The following ZDHHC18 variants were observed in gnomAD, a reference collection of about 807,000 sequenced individuals.
The protein encoded by ZDHHC18 is palmitoyltransferase ZDHHC18.
Under a neutral mutation model 37.5 loss-of-function variants are expected in ZDHHC18, and 23 were observed. That is an observed-to-expected ratio of 0.61 (90% CI 0.44 to 0.87). The LOEUF (loss-of-function observed/expected upper bound fraction) is 0.87. ZDHHC18 is among the 40% of genes least tolerant of loss of function. The pLI, the probability that ZDHHC18 is intolerant of heterozygous loss-of-function variation, is 0.00. For synonymous variants in ZDHHC18, 185 were observed against 218.7 expected (o/e 0.85, Z 1.36); for missense variants, 406 against 525.6 (o/e 0.77, Z 2.22).
chr1:26,827,210 G>T, intron 1 of ZDHHC18, 71 bp downstream of exon 1: 2 of 1,221,606 alleles, frequency 1.6e-6, no homozygotes, highest in Non-Finnish European at 2.1e-6. Flanking sequence ...TCCCTGCTGG[G>T]CACTCCGTGC....
intron 2 of ZDHHC18, among the ~76,000 whole-genome samples, chr1:26,847,151 C>T (rs933503547): frequency 2.0e-5 from 3 of 151,942 alleles, no homozygotes; most frequent in Non-Finnish European, 4.4e-5. Flanking sequence ...CGCCTCGGCC[C>T]CCCAAAGTGC....
At chr1:26,842,417 G>A (rs894555338) in intron 2 of ZDHHC18, among the ~76,000 whole-genome samples, 1 of 152,198 alleles carries the variant, frequency 6.6e-6, no homozygotes, top group African/African-American at 2.4e-5. Context: ...AGAAACTGAG[G>A]CACAAAGAGC....
chr1:26,848,502 T>G, intron 2 of ZDHHC18, 106 bp from the exon 3 acceptor site: 2 of 1,448,334 alleles, frequency 1.4e-6, no homozygotes, highest in Non-Finnish European at 1.9e-6. Flanking sequence ...CCTGTTACCC[T>G]GAGGCTTCTC....
At chr1:26,851,733 CCT>C (rs2081705701) in intron 6 of ZDHHC18, among the ~76,000 whole-genome samples, 1 of 152,218 alleles carries the variant, frequency 6.6e-6, no homozygotes, top group Non-Finnish European at 1.5e-5. Flanking sequence ...CCACACTGCC[CCT>C]GTCAGCAGCA....
chr1:26,848,928 G>C (rs561097242), intron 3 of ZDHHC18, among the ~76,000 whole-genome samples, 171 bp downstream of exon 3: 1 of 152,144 alleles, frequency 6.6e-6, no homozygotes, highest in African/African-American at 2.4e-5. Flanking sequence ...CCAGGGGAGG[G>C]GCCCTCAGCA....
chr1:26,846,693 A>G (rs979936818), intron 2 of ZDHHC18, among the ~76,000 whole-genome samples: 1 of 152,138 alleles, frequency 6.6e-6, no homozygotes, highest in Non-Finnish European at 1.5e-5. Context: ...TAATTCCTGT[A>G]CATTCACCAT....
intron 1 of ZDHHC18, among the ~76,000 whole-genome samples, 177 bp from the exon 2 acceptor site, chr1:26,832,270 G>A (rs531016353): frequency 3.9e-5 from 6 of 152,144 alleles, no homozygotes; most frequent in African/African-American, 1.4e-4. Context: ...GTCTGTTCCC[G>A]GTACTTATTG....
chr1:26,830,846 G>A (rs1303172727), intron 1 of ZDHHC18, among the ~76,000 whole-genome samples: 2 of 152,098 alleles, frequency 1.3e-5, no homozygotes, highest in Admixed American at 6.6e-5. Context: ...GCAATGGCAC[G>A]ATCTCGGCTC....
intron 2 of ZDHHC18, among the ~76,000 whole-genome samples, chr1:26,836,397 A>C (rs780664633): frequency 2.6e-5 from 4 of 151,694 alleles, no homozygotes; most frequent in East Asian, 1.9e-4. Flanking sequence ...AATTGTAGTT[A>C]TCTCTCCAAG....
At chr1:26,845,544 G>A (rs1450879844) in intron 2 of ZDHHC18, among the ~76,000 whole-genome samples, 1 of 151,036 alleles carries the variant, frequency 6.6e-6, no homozygotes, top group East Asian at 1.9e-4. Flanking sequence ...TGTTGGCCAG[G>A]CTGGTATCGA....
intron 1 of ZDHHC18, among the ~76,000 whole-genome samples, chr1:26,831,023 C>G (rs543069108): frequency 2.0e-5 from 3 of 152,286 alleles, no homozygotes; most frequent in Admixed American, 6.5e-5. Flanking sequence ...CCTCAGGTAT[C>G]CGCCCACCTC....
Position 26,832,427 on chromosome 1 carries a change from C to G in ZDHHC18, c.336-20C>G. ...GAGCCCTTGGGGTGTCTGCTGATCT[C>G]TCTCCATCTCTCGTTCTAGCTGTCC... is the stretch of plus-strand genomic sequence containing the variant. On this transcript the variant is annotated intron_variant, in intron 1 of 7. Transcript: ENST00000374142. 1 of 1,613,748 alleles carries G rather than the reference C, an allele frequency of 6.2e-7. No homozygotes were observed. The highest frequency in any genetic ancestry group is 1.3e-5 in the African/African-American group (1 of 75,020).
chr1:26,853,107 T>G (rs1236748762), intron 7 of ZDHHC18: 1 of 424,278 alleles, frequency 2.4e-6, no homozygotes, highest in African/African-American at 2.0e-5. Flanking sequence ...GACATGTAAT[T>G]CTACTCCCCG....
chr1:26,852,080 T>C (rs892740577), intron 6 of ZDHHC18, among the ~76,000 whole-genome samples: 2 of 152,206 alleles, frequency 1.3e-5, no homozygotes, highest in African/African-American at 4.8e-5. Context: ...GACAGGGCGT[T>C]GTGTGCCTGG....
At chr1:26,846,398 C>G (rs2081666598) in intron 2 of ZDHHC18, among the ~76,000 whole-genome samples, 1 of 135,658 alleles carries the variant, frequency 7.4e-6, no homozygotes, top group Admixed American at 8.0e-5. Context: ...CCAATCTCGG[C>G]TCACTGCAAG....
At position 26,828,752 on chromosome 1, in the gene ZDHHC18, AAGCTCTGGGGGGCCCAGAGCTC is replaced by A. The variant is rs531388541; in HGVS notation, c.335+1623_335+1644del. Among the ~76,000 whole-genome samples, 53 of 151,842 alleles carry A rather than the reference AAGCTCTGGGGGGCCCAGAGCTC, an allele frequency of 3.5e-4. No homozygotes were observed. The East Asian group carries it at 4.3e-3, about 12-fold the overall frequency. ...AAGTTCAGGGATGATTTACAAGCAG[AAGCTCTGGGGGGCCCAGAGCTC>A]AGCTCTGGGCTGAGTTTCAGATCCA... On this transcript the variant is annotated intron_variant, in intron 1 of 7. Transcript: ENST00000374142.
chr1:26,837,521 C>T (rs1265876065), intron 2 of ZDHHC18, among the ~76,000 whole-genome samples: 1 of 149,422 alleles, frequency 6.7e-6, no homozygotes, highest in Non-Finnish European at 1.5e-5. Flanking sequence ...GCTCTGTCAC[C>T]CAGGCTGGAG....
In ZDHHC18 at chr1:26,852,845, C is replaced by T; in HGVS notation, c.1029C>T (p.Leu343=). The change falls in exon 7 of 8, where the codon CTC becomes CTT. Residue 343 remains leucine, a synonymous_variant. Coordinates refer to ENST00000374142, the MANE Select transcript of ZDHHC18 (RefSeq NM_032283.3). The part of the protein sequence containing the change: ...KSIITNCCAV[L]CGPLPPSLID... The stretch of plus-strand genomic sequence containing the variant: ...TTATCACCAACTGCTGTGCTGTGCT[C>T]TGTGGCCCCCTACCTCCCAGGTAAG... The T allele has an allele frequency of 6.2e-7, 1 of 1,613,982 alleles. No homozygotes were observed. The highest frequency in any genetic ancestry group is 8.5e-7 in the Non-Finnish European group (1 of 1,179,920).
chr1:26,828,774 C>A (rs554854994), intron 1 of ZDHHC18, among the ~76,000 whole-genome samples: 3 of 151,830 alleles, frequency 2.0e-5, no homozygotes, highest in African/African-American at 7.2e-5. Flanking sequence ...GCCCAGAGCT[C>A]AGCTCTGGGC....
Sources: allele counts gnomAD v4.1 joint callset (sites outside exome capture counted in the v4.1 genomes callset), GRCh38; gene constraint gnomAD v4.1.1; transcripts MANE v1.5; gene names NCBI Gene and HGNC (gene_info 2026-07-23, HGNC 2026-07-21).